BMAL2: variants seen among roughly 807,000 people sequenced by gnomAD.
BMAL2 encodes the protein basic helix-loop-helix ARNT-like protein 2.
chr12:27,391,482 C>T, the BMAL2 span, among the ~76,000 whole-genome samples: 2 of 152,168 alleles, frequency 1.3e-5, no homozygotes, highest in African/African-American at 4.8e-5. Context: ...CTATTGTGAA[C>T]AGTGCTGCAA....
At chr12:27,384,836 G>A in the BMAL2 span, among the ~76,000 whole-genome samples, 1 of 152,136 alleles carries the variant, frequency 6.6e-6, no homozygotes, top group Non-Finnish European at 1.5e-5. Context: ...GTGGACCACA[G>A]GTAACTGAAA....
chr12:27,338,821 TAAGA>T, the BMAL2 span, among the ~76,000 whole-genome samples: 2 of 152,214 alleles, frequency 1.3e-5, no homozygotes, highest in African/African-American at 2.4e-5. Flanking sequence ...TTCTGATCAG[TAAGA>T]AAGCCGGAAA....
the BMAL2 span, among the ~76,000 whole-genome samples, chr12:27,376,992 C>G: frequency 3.8e-4 from 40 of 104,102 alleles, 3 homozygotes; most frequent in Non-Finnish European, 1.9e-5. Flanking sequence ...CAGAGCAAAA[C>G]TCCGTCTCAA....
At chr12:27,413,738 G>C in the BMAL2 span, among the ~76,000 whole-genome samples, 1 of 152,178 alleles carries the variant, frequency 6.6e-6, no homozygotes, top group Non-Finnish European at 1.5e-5. Context: ...CCAACTGTGT[G>C]CTGCAACCAG....
At chr12:27,420,017 G>A in the BMAL2 span, among the ~76,000 whole-genome samples, 34 of 30,392 alleles carry the variant, frequency 1.1e-3, no homozygotes, top group Admixed American at 2.9e-3. Flanking sequence ...GGGTTTGCGC[G>A]TGCACACACA....
chr12:27,403,095 G>C, the BMAL2 span, among the ~76,000 whole-genome samples: 1 of 152,164 alleles, frequency 6.6e-6, no homozygotes, highest in South Asian at 2.1e-4. Flanking sequence ...AGTATTGGGG[G>C]AGTTTTTGCT....
chr12:27,354,486 G>A, the BMAL2 span, among the ~76,000 whole-genome samples: 2 of 152,056 alleles, frequency 1.3e-5, no homozygotes, highest in East Asian at 3.8e-4. Context: ...CCCTACCTGG[G>A]TAATGAAATC....
chr12:27,346,706 TTTTG>T, the BMAL2 span, among the ~76,000 whole-genome samples: 2 of 152,200 alleles, frequency 1.3e-5, no homozygotes, highest in Non-Finnish European at 2.9e-5. Flanking sequence ...ATGTCACAGT[TTTTG>T]AAGATATACT....
At chr12:27,339,617 T>C in the BMAL2 span, among the ~76,000 whole-genome samples, 19,293 of 151,632 alleles carry the variant, frequency 0.13, 1,415 homozygotes, top group Non-Finnish European at 0.17. Context: ...ACCAGTATCT[T>C]ACTTTTTGAC....
chr12:27,350,982 CA>C, the BMAL2 span, among the ~76,000 whole-genome samples: 1 of 94,990 alleles, frequency 1.1e-5, no homozygotes, highest in Non-Finnish European at 2.0e-5. Flanking sequence ...GCCCAGACCC[CA>C]CCCACCCCCC....
At chr12:27,355,072 A>C in the BMAL2 span, among the ~76,000 whole-genome samples, 1 of 152,244 alleles carries the variant, frequency 6.6e-6, no homozygotes, top group South Asian at 2.1e-4. Flanking sequence ...GGTTGACCTC[A>C]CTTTTTATTT....
the BMAL2 span, among the ~76,000 whole-genome samples, chr12:27,398,890 A>C: frequency 4.6e-5 from 7 of 152,194 alleles, no homozygotes; most frequent in Non-Finnish European, 8.8e-5. Flanking sequence ...ACTGCCATCT[A>C]GCTTTGTTAA....
At chr12:27,409,648 G>A in the BMAL2 span, among the ~76,000 whole-genome samples, 1 of 152,168 alleles carries the variant, frequency 6.6e-6, no homozygotes, top group Non-Finnish European at 1.5e-5. Context: ...AACCCTAGAA[G>A]AAAACCTAGG....
At chr12:27,390,049 G>T in the BMAL2 span, 3 of 1,590,734 alleles carry the variant, frequency 1.9e-6, no homozygotes, top group Admixed American at 5.3e-5. Flanking sequence ...AAAATTATTT[G>T]ACAATATTCT....
the BMAL2 span, among the ~76,000 whole-genome samples, chr12:27,407,029 A>G: frequency 0.023 from 3,456 of 152,342 alleles, 128 homozygotes; most frequent in African/African-American, 0.079. Context: ...GATCAATTCA[A>G]CAAGAAGAGC....
At chr12:27,369,805 A>G in the BMAL2 span, among the ~76,000 whole-genome samples, 1 of 152,230 alleles carries the variant, frequency 6.6e-6, no homozygotes, top group South Asian at 2.1e-4. Context: ...AAGTGGAGTC[A>G]GTGCTAGCAA....
At chr12:27,392,462 G>A in the BMAL2 span, among the ~76,000 whole-genome samples, 1 of 147,604 alleles carries the variant, frequency 6.8e-6, no homozygotes, top group Non-Finnish European at 1.5e-5. Flanking sequence ...ATACCATAGC[G>A]ACCAGCTAGG....
the BMAL2 span, among the ~76,000 whole-genome samples, chr12:27,396,095 G>A: frequency 3.3e-5 from 5 of 152,272 alleles, no homozygotes; most frequent in African/African-American, 9.6e-5. Flanking sequence ...GGGTAAATAA[G>A]GTTATAAGGT....
chr12:27,345,719 T>A, the BMAL2 span, among the ~76,000 whole-genome samples: 7 of 152,146 alleles, frequency 4.6e-5, no homozygotes, highest in South Asian at 1.5e-3. Context: ...CCCAGGCGGG[T>A]CTCCAACTCC....
Sources: gnomAD v4.1 joint callset for allele counts (sites outside exome capture counted in the v4.1 genomes callset) on GRCh38, gnomAD v4.1.1 for gene constraint, MANE v1.5 for transcripts, NCBI Gene and HGNC (gene_info 2026-07-23, HGNC 2026-07-21) for gene names.